Variants in ABCA3 observed in about 807,000 individuals in gnomAD.
ABCA3 encodes the protein phospholipid-transporting ATPase ABCA3.
A neutral mutation model predicts 172.8 loss-of-function variants in ABCA3; 88 were observed. The ratio of observed to expected loss-of-function variants is 0.51; its 90% CI spans 0.43 to 0.61. ABCA3 has a LOEUF of 0.61. Ranked by LOEUF, ABCA3 falls within the 20% of genes least tolerant of loss-of-function variation. The pLI is 0.00. For synonymous variants in ABCA3, 1,066 were observed against 983.8 expected, an observed-to-expected ratio of 1.08 and a Z score of -1.56; for missense variants, 2,164 against 2,301.0, an observed-to-expected ratio of 0.94 and a Z score of 1.22.
Position 2,297,924 on chromosome 16 carries a change from G to A in ABCA3, c.1897-3C>T. ...TTCTGACGTGACAGGCCCTTCAGCTGCAACGACAGGGGACGCAGGGAGATG... is the reference window on the plus strand; with the variant it reads ...TTCTGACGTGACAGGCCCTTCAGCTACAACGACAGGGGACGCAGGGAGATG... On this transcript the variant is annotated splice_region_variant and splice_polypyrimidine_tract_variant and intron_variant, in intron 15 of 32. Transcript: ENST00000301732. The surrounding 1 kb of genome is among the most constrained non-coding windows in gnomAD (Gnocchi z 5.6). 6.2e-7 allele frequency: 1 copy of A among 1,613,590 alleles called. No homozygotes were observed. The highest frequency in any genetic ancestry group is 2.2e-5 in the East Asian group (1 of 44,842).
chr16:2,317,358 C>T lies in ABCA3; in HGVS notation c.1036G>A (p.Val346Met). Reference protein sequence around the residue: ...AVLSRSDPSLVLAFLLCFAIS... With the variant: ...AVLSRSDPSLMLAFLLCFAIS... ...GCGAAGCACAGCAGGAAGGCGAGCA[C>T]CAGGGAGGGGTCGCTGCGGGACAGC... Residue 346 changes from valine to methionine, a missense_variant, in exon 10 of 33, where the codon GTG becomes ATG. Coordinates refer to ENST00000301732, the MANE Select transcript of ABCA3 (RefSeq NM_001089.3). 1 of 1,614,034 alleles carries T rather than the reference C, an allele frequency of 6.2e-7. No homozygotes were observed. Among genetic ancestry groups the T allele is most frequent in the South Asian group, 1.1e-5 (1 of 91,084 alleles).
intron 5 of ABCA3, among the ~76,000 whole-genome samples, chr16:2,324,785 G>A (rs909141953): frequency 7.9e-5 from 12 of 152,094 alleles, no homozygotes; most frequent in African/African-American, 2.4e-4. Context: ...TGGAGGCTCC[G>A]GGTAGCGCCT....
At chr16:2,288,858 C>A (rs2093667328) in intron 20 of ABCA3, among the ~76,000 whole-genome samples, 1 of 152,130 alleles carries the variant, frequency 6.6e-6, no homozygotes, top group Non-Finnish European at 1.5e-5. Context: ...GACACTGTTT[C>A]ATTGTCTCAG....
chr16:2,287,179 G>A lies in ABCA3; in HGVS notation c.3005-212C>T, dbSNP rs891108558. On this transcript the variant is annotated intron_variant, in intron 21 of 32. Coordinates refer to ENST00000301732, the MANE Select transcript of ABCA3 (RefSeq NM_001089.3). This position sits in a 1 kb window ranked among gnomAD's most constrained non-coding sequence, Gnocchi z 4.1. ...GAACTTTGAATGCCAGTCAGGAACC[G>A]GGAAAGGAGCTGCAAAATAAGAAAA... 2.6e-5 allele frequency among the ~76,000 whole-genome samples: 4 copies of A among 152,180 alleles called. No individual in the cohort carries two copies. Among genetic ancestry groups the A allele is most frequent in the African/African-American group, 4.8e-5 (2 of 41,440 alleles).
chr16:2,308,507 G>T lies in ABCA3; in HGVS notation c.1228C>A (p.Leu410Met). The T allele has an allele frequency of 1.2e-6, 2 of 1,614,248 alleles. No homozygotes were observed. The highest frequency in any genetic ancestry group is 8.5e-7 in the Non-Finnish European group (1 of 1,180,038). ...TLSQKLCSCL[L>M]SNVAMAMGAQ... ...CCCATTGCCATGGCGACATTAGACA[G>T]GAGGCAGGAGCAGAGCTTCTGGCTC... The change falls in exon 11 of 33, where the codon CTG becomes ATG. Residue 410 changes from leucine (L) to methionine (M), a missense_variant. Physicochemically the swap from Leu to Met is conservative, Grantham distance 15 (BLOSUM62 2). Coordinates refer to ENST00000301732, the MANE Select transcript of ABCA3 (RefSeq NM_001089.3).
chr16:2,299,326 G>A, intron 14 of ABCA3, 77 bp downstream of exon 14: 1 of 1,592,066 alleles, frequency 6.3e-7, no homozygotes. Context: ...CATTGAGGGA[G>A]TGAGGCGGGG....
At position 2,292,127 on chromosome 16, in the gene ABCA3, C is replaced by T. The variant is rs538767896; in HGVS notation, c.2513+13G>A. 44 of 1,604,436 alleles carry T rather than the reference C, an allele frequency of 2.7e-5. 1 individual carries two copies. The Middle Eastern group carries it at 6.6e-4, about 24-fold the overall frequency. On this transcript the variant is annotated intron_variant, in intron 19 of 32. Coordinates refer to ENST00000301732, the MANE Select transcript of ABCA3 (RefSeq NM_001089.3). ...GCCCAGTCCTAGGTGGACGGAAATG[C>T]GCATTTACTGACCGAAGGAAGACTT...
In ABCA3 at chr16:2,340,628, C is replaced by T. The variant is rs2141757290; in HGVS notation, c.-594G>A. On this transcript the variant is annotated 5_prime_UTR_variant, in exon 1 of 33. Transcript: ENST00000301732. The stretch of plus-strand genomic sequence containing the variant: ...GCGCGCGGCCCTCTCGCGGGGTCCC[C>T]TCCCTCGGCCACCCGGGCTCCGCTC... 1 of 149,652 alleles carries T rather than the reference C, an allele frequency of 6.7e-6. No individual in the cohort carries two copies. The highest frequency in any genetic ancestry group is 1.5e-5 in the Non-Finnish European group (1 of 66,934). The allele number at this position is 149,652 out of a possible 1,614,324, so 9.3% of individuals were successfully genotyped here. A position where few individuals can be genotyped will look rare whatever the true frequency, so the allele number is the denominator to read the frequency against.
intron 13 of ABCA3, 46 bp from the exon 14 acceptor site, chr16:2,299,578 G>A (rs763017036): frequency 6.2e-7 from 1 of 1,608,632 alleles, no homozygotes; most frequent in Non-Finnish European, 8.5e-7. Context: ...CAGCCCCGAG[G>A]CCCACGGCCA....
chr16:2,319,453 C>T (rs989482777), intron 8 of ABCA3, 128 bp downstream of exon 8: 17 of 1,331,222 alleles, frequency 1.3e-5, no homozygotes, highest in South Asian at 1.5e-5. Flanking sequence ...CCACTGCACT[C>T]CAGCCTGGGC....
rs1434894469 is a variant in ABCA3 at position 2,281,695 on chromosome 16, G to C, written c.4036-186C>G. The stretch of plus-strand genomic sequence containing the variant: ...ACTAGAAGACACAGTGGTCTTACGG[G>C]GCTAAACTAGCATCCAGGAGACATA... On this transcript the variant is annotated intron_variant, in intron 26 of 32. Transcript: ENST00000301732. The surrounding 1 kb of genome is among the most constrained non-coding windows in gnomAD (Gnocchi z 4.7). Among the ~76,000 whole-genome samples, 1 of 152,146 alleles carries C rather than the reference G, an allele frequency of 6.6e-6. No individual in the cohort carries two copies. The highest frequency in any genetic ancestry group is 1.5e-5 in the Non-Finnish European group (1 of 68,042).
chr16:2,337,643 C>T (rs934843336), intron 1 of ABCA3, among the ~76,000 whole-genome samples: 4 of 151,972 alleles, frequency 2.6e-5, no homozygotes, highest in African/African-American at 4.8e-5. Flanking sequence ...GCCTTGGCCT[C>T]CCAAAGTGCC....
intron 10 of ABCA3, among the ~76,000 whole-genome samples, chr16:2,310,976 CTTTTT>C (rs200727344): frequency 1.3e-5 from 2 of 150,986 alleles, no homozygotes; most frequent in Non-Finnish European, 3.0e-5. Context: ...CTTTTCTTTT[CTTTTT>C]TTTTCTTTTT....
In ABCA3 at chr16:2,289,478, C is replaced by T. The variant is rs1049124251; in HGVS notation, c.2656G>A (p.Ala886Thr). 2.5e-6 allele frequency: 4 copies of T among 1,593,052 alleles called. No individual in the cohort carries two copies. The highest frequency in any genetic ancestry group is 2.7e-5 in the African/African-American group (2 of 74,730). ...GCGGTGCGCTCCTCCTCGATGAGGGCTCCAATGCCGTCGGAGGGGTCCATG... is the reference window on the plus strand; with the variant it reads ...GCGGTGCGCTCCTCCTCGATGAGGGTTCCAATGCCGTCGGAGGGGTCCATG... ...GAMDPSDGIG[A>T]LIEEERTAVK... is the part of the protein sequence containing the mutation. Residue 886 changes from alanine to threonine, a missense_variant, in exon 20 of 33, where the codon GCC becomes ACC. Transcript: ENST00000301732.
At chr16:2,323,044 A>G (rs868600766) in intron 7 of ABCA3, among the ~76,000 whole-genome samples, 1 of 152,270 alleles carries the variant, frequency 6.6e-6, no homozygotes, top group Admixed American at 6.5e-5. Flanking sequence ...GCCAAAAGAC[A>G]CATGAAAAAA....
At chr16:2,292,745 C>T (rs1039338959) in intron 18 of ABCA3, among the ~76,000 whole-genome samples, 2 of 152,094 alleles carry the variant, frequency 1.3e-5, no homozygotes, top group Non-Finnish European at 2.9e-5. Flanking sequence ...CACGGTGAAA[C>T]TCTGTCTCTA....
At chr16:2,332,245 T>C (rs2093744419) in intron 1 of ABCA3, 2 of 443,426 alleles carry the variant, frequency 4.5e-6, no homozygotes, top group Admixed American at 3.7e-5. Flanking sequence ...TTTTTTTTTT[T>C]CCTTGAAACT....
chr16:2,301,126 G>C, intron 12 of ABCA3, among the ~76,000 whole-genome samples: 1 of 151,480 alleles, frequency 6.6e-6, no homozygotes, highest in African/African-American at 2.4e-5. Context: ...AGCTACTCGG[G>C]AGGCTGAGGC....
At chr16:2,300,504 A>G (rs1351201164) in intron 12 of ABCA3, among the ~76,000 whole-genome samples, 1 of 152,176 alleles carries the variant, frequency 6.6e-6, no homozygotes, top group East Asian at 1.9e-4. Context: ...AAATGGAAAG[A>G]AAGCTGTGTC....
Sources: allele counts gnomAD v4.1 joint callset (sites outside exome capture counted in the v4.1 genomes callset), GRCh38; gene constraint gnomAD v4.1.1; non-coding constraint Gnocchi (gnomAD v3.1); transcripts MANE v1.5; gene names NCBI Gene and HGNC (gene_info 2026-07-23, HGNC 2026-07-21).